The following RAE1 variants were observed in gnomAD, a reference collection of about 807,000 sequenced individuals.
RAE1 encodes mRNA export factor RAE1.
Under a neutral mutation model 52.7 loss-of-function variants are expected in RAE1, and 13 were observed. That is an observed-to-expected ratio of 0.25 (90% confidence interval 0.16 to 0.39). The LOEUF is 0.39. Among genes scored for constraint, RAE1 ranks in the 10% least tolerant of loss-of-function variants. RAE1 has a pLI of 1.00. For missense variants in RAE1, 262 were observed against 459.8 expected, an observed-to-expected ratio of 0.57 and a Z score of 3.93; for synonymous variants, 164 against 153.1, an observed-to-expected ratio of 1.07 and a Z score of -0.52.
intron 8 of RAE1, among the ~76,000 whole-genome samples, chr20:57,370,455 C>T (rs2067020069): frequency 1.3e-5 from 2 of 152,212 alleles, no homozygotes; most frequent in African/African-American, 4.8e-5. Flanking sequence ...AAGCCGCTGC[C>T]TCCTCCACCC....
rs1481979599 is a variant in RAE1, at chr20:57,378,058, C to T, written c.1066C>T (p.Arg356Cys). 1.2e-6 allele frequency: 2 copies of T among 1,612,810 alleles called. No homozygotes were observed. Among genetic ancestry groups the T allele is most frequent in the Non-Finnish European group, 1.7e-6 (2 of 1,178,982 alleles). The change falls in exon 12 of 12, where the codon CGT (arginine) becomes TGT (cysteine). Residue 356 changes from arginine (R) to cysteine (C), a missense_variant. Physicochemically the swap from Arg to Cys is radical, Grantham distance 180. Coordinates refer to ENST00000395841, the MANE Select transcript of RAE1 (RefSeq NM_003610.4). ...CCAGAAAAAAAATTACATTTTCCTGCGTAATGCAGCCGAAGAGCTAAAGCC... is the reference window on the plus strand; with the variant it reads ...CCAGAAAAAAAATTACATTTTCCTGTGTAATGCAGCCGAAGAGCTAAAGCC... ...NPQKKNYIFL[R>C]NAAEELKPRN... is the part of the protein sequence containing the mutation.
chr20:57,375,038 C>T (rs1206372771), intron 11 of RAE1: 17 of 706,242 alleles, frequency 2.4e-5, no homozygotes, highest in Non-Finnish European at 3.4e-5. Context: ...TGAGCCATTA[C>T]GGGCTGCTCT....
At chr20:57,359,272 T>G in intron 4 of RAE1, 1 of 327,798 alleles carries the variant, frequency 3.1e-6, no homozygotes. Context: ...ATACGGTGTT[T>G]ATTATATCAT....
intron 7 of RAE1, among the ~76,000 whole-genome samples, chr20:57,368,264 G>A (rs1224128751): frequency 6.6e-6 from 1 of 152,150 alleles, no homozygotes; most frequent in Admixed American, 6.6e-5. Context: ...TAAACCCTGT[G>A]GTAGGTTCAT....
rs184958915 is a variant in RAE1 at position 57,367,205 on chromosome 20, T to C, written c.534+126T>C. On this transcript the variant is annotated intron_variant, in intron 7 of 11. Coordinates refer to ENST00000395841, the MANE Select transcript of RAE1 (RefSeq NM_003610.4). The stretch of plus-strand genomic sequence containing the variant: ...ATCCTGCTAGCTTTAGTAATAGATA[T>C]AAAGGATCGAGTTGAGATTGCCTCA... 1.6e-4 allele frequency: 134 copies of C among 841,520 alleles called. No individual in the cohort carries two copies. The African/African-American group carries it at 1.9e-3, about 12-fold the overall frequency. The allele number at this position is 841,520 out of a possible 1,614,324, so 52.1% of individuals were successfully genotyped here. A position where few individuals can be genotyped will look rare whatever the true frequency, so the allele number is the denominator to read the frequency against.
chr20:57,370,956 A>G (rs2067027540), intron 8 of RAE1, among the ~76,000 whole-genome samples: 1 of 152,078 alleles, frequency 6.6e-6, no homozygotes, highest in Admixed American at 6.6e-5. Flanking sequence ...TGGGACCTCC[A>G]TCTCCTTTGT....
chr20:57,358,760 T>A, intron 4 of RAE1: 1 of 389,804 alleles, frequency 2.6e-6, no homozygotes, highest in South Asian at 8.4e-5. Flanking sequence ...GGTAACTTAC[T>A]CCGTTTATCA....
Position 57,378,158 on chromosome 20 carries a change from C to G in RAE1, c.*59C>G. 1 of 1,365,546 alleles carries G rather than the reference C, an allele frequency of 7.3e-7. No individual in the cohort carries two copies. The highest frequency in any genetic ancestry group is 1.0e-6 in the Non-Finnish European group (1 of 986,854). 84.6% of individuals were successfully genotyped at this position (1,365,546 alleles called of 1,614,324 possible). A position where few individuals can be genotyped will look rare whatever the true frequency, so the allele number is the denominator to read the frequency against. ...CTCTCCACTCTGCCTCATCTCTGTACGAATTTGGGTCCCAGCCTTGTTGGG... is the reference window on the plus strand; with the variant it reads ...CTCTCCACTCTGCCTCATCTCTGTAGGAATTTGGGTCCCAGCCTTGTTGGG... On this transcript the variant is annotated 3_prime_UTR_variant, in exon 12 of 12. Coordinates refer to ENST00000395841, the MANE Select transcript of RAE1 (RefSeq NM_003610.4).
At chr20:57,376,608 C>T (rs1188986830) in intron 11 of RAE1, among the ~76,000 whole-genome samples, 1 of 152,178 alleles carries the variant, frequency 6.6e-6, no homozygotes, top group African/African-American at 2.4e-5. Context: ...GTGGGGTGTG[C>T]CATTTGTTTA....
In RAE1 at chr20:57,351,349, G is replaced by T. The variant is rs2066705729; in HGVS notation, c.-81G>T. ...CGCGCTCCTGGCCCTCGTCCTTCGC[G>T]CCAGAGCAGGTTCGCAAACTCCTCA... On this transcript the variant is annotated 5_prime_UTR_variant, in exon 1 of 12. Transcript: ENST00000395841. The T allele has an allele frequency of 2.0e-6, 2 of 985,278 alleles. No individual in the cohort carries two copies. The highest frequency in any genetic ancestry group is 2.4e-6 in the Non-Finnish European group (2 of 829,934). 61.0% of individuals were successfully genotyped at this position (985,278 alleles called of 1,614,324 possible).
chr20:57,370,930 T>C (rs1321036277), intron 8 of RAE1, among the ~76,000 whole-genome samples: 2 of 152,312 alleles, frequency 1.3e-5, no homozygotes, highest in Middle Eastern at 3.4e-3. Context: ...CCTGATGTGC[T>C]TCACAGCCCA....
chr20:57,356,335 G>T, intron 3 of RAE1, 111 bp from the exon 4 acceptor site: 1 of 653,490 alleles, frequency 1.5e-6, no homozygotes, highest in Non-Finnish European at 2.6e-6. Context: ...TAATTAGGTT[G>T]CTATGAGAAG....
At chr20:57,356,065 C>T (rs1227247148) in intron 3 of RAE1, among the ~76,000 whole-genome samples, 3 of 152,106 alleles carry the variant, frequency 2.0e-5, no homozygotes, top group Non-Finnish European at 4.4e-5. Flanking sequence ...TTTACAAAAT[C>T]TCTAAAATGT....
At chr20:57,353,123 A>T (rs1255851086) in intron 1 of RAE1, among the ~76,000 whole-genome samples, 1 of 152,194 alleles carries the variant, frequency 6.6e-6, no homozygotes. Flanking sequence ...GGTGACTGGT[A>T]TGGAGGACTT....
intron 8 of RAE1, chr20:57,371,587 A>G (rs1385718542): frequency 6.6e-6 from 1 of 152,224 alleles, no homozygotes; most frequent in Non-Finnish European, 1.5e-5. Flanking sequence ...TGTGGGGAAC[A>G]TGGAACCCTT....
chr20:57,367,137 T>G (rs2066966855), intron 7 of RAE1, 58 bp downstream of exon 7: 1 of 1,413,778 alleles, frequency 7.1e-7, no homozygotes, highest in Admixed American at 2.1e-5. Flanking sequence ...ATAAGTATTC[T>G]CACCTTGTGG....
rs953640524 is a variant in RAE1 at position 57,368,921 on chromosome 20, A to C, written c.642+109A>C. On this transcript the variant is annotated intron_variant, in intron 8 of 11. Transcript: ENST00000395841. ...TTTGTAAAACCTGTAAGTATGTTCAAAGAGGGGTGAATTGAAGGATATAAA... is the reference window on the plus strand; with the variant it reads ...TTTGTAAAACCTGTAAGTATGTTCACAGAGGGGTGAATTGAAGGATATAAA... 1.1e-5 allele frequency: 9 copies of C among 846,522 alleles called. No individual in the cohort carries two copies. In the East Asian group the frequency reaches 2.4e-4, roughly 23 times the overall value. 52.4% of individuals were successfully genotyped at this position (846,522 alleles called of 1,614,324 possible). A position where few individuals can be genotyped will look rare whatever the true frequency, so the allele number is the denominator to read the frequency against.
chr20:57,374,468 T>C, intron 10 of RAE1, 139 bp from the exon 11 acceptor site: 1 of 820,038 alleles, frequency 1.2e-6, no homozygotes, highest in Non-Finnish European at 2.0e-6. Context: ...GGATAGTTTC[T>C]CTTGCTATCA....
chr20:57,377,590 C>T (rs781170479), intron 11 of RAE1, among the ~76,000 whole-genome samples: 2 of 152,226 alleles, frequency 1.3e-5, no homozygotes, highest in Non-Finnish European at 2.9e-5. Context: ...GTCTGTTGCT[C>T]CTTCCATGTG....
Sources: allele counts gnomAD v4.1 joint callset (sites outside exome capture counted in the v4.1 genomes callset), GRCh38; gene constraint gnomAD v4.1.1; transcripts MANE v1.5; gene names NCBI Gene and HGNC (gene_info 2026-07-23, HGNC 2026-07-21).